The following MYO3B variants were observed in gnomAD, a reference collection of about 807,000 sequenced individuals.
MYO3B encodes myosin-IIIb.
MYO3B carries 156 observed loss-of-function variants against 174.6 expected under a neutral mutation model. That is an observed-to-expected ratio of 0.89 (90% CI 0.78 to 1.02). MYO3B has a LOEUF of 1.02. Ranked by LOEUF, MYO3B falls within the 50% of genes least tolerant of loss-of-function variation. The pLI, the probability that MYO3B is intolerant of heterozygous loss-of-function variation, is 0.00. For synonymous variants in MYO3B, 563 were observed against 569.1 expected, an observed-to-expected ratio of 0.99 and a Z score of 0.15; for missense variants, 1,632 against 1,639.4, an observed-to-expected ratio of 1.00 and a Z score of 0.08.
intron 8 of MYO3B, chr2:170,343,751 G>T (rs2093994841): frequency 6.6e-6 from 1 of 152,136 alleles, no homozygotes; most frequent in African/African-American, 2.4e-5. Context: ...AAGAGCGTAG[G>T]GTCTAAAGTC....
intron 8 of MYO3B, among the ~76,000 whole-genome samples, chr2:170,359,831 A>G (rs1201260824): frequency 6.6e-6 from 1 of 152,200 alleles, no homozygotes; most frequent in Non-Finnish European, 1.5e-5. Flanking sequence ...ATTTATGTCC[A>G]TGTCTATTCT....
Position 170,326,223 on chromosome 2 carries a change from A to C in MYO3B, c.750-9162A>C, listed in dbSNP as rs143716232. Among the ~76,000 whole-genome samples, 8 of 152,126 alleles carry C rather than the reference A, an allele frequency of 5.3e-5. No individual in the cohort carries two copies. The East Asian group carries it at 1.5e-3, about 29-fold the overall frequency. ...ACTGTAATGATCACCTTCAAAGAGC[A>C]CACTTCCAAAGAACCCATGTAAACA... On this transcript the variant is annotated intron_variant, in intron 7 of 34. Coordinates refer to ENST00000408978, the MANE Select transcript of MYO3B (RefSeq NM_138995.5).
At chr2:170,265,878 T>G (rs1456170659) in intron 7 of MYO3B, among the ~76,000 whole-genome samples, 3 of 152,102 alleles carry the variant, frequency 2.0e-5, no homozygotes, top group African/African-American at 7.2e-5. Context: ...GAATTTTGTA[T>G]GAATACAACA....
rs571585831 is a variant in MYO3B at position 170,483,973 on chromosome 2, C to T, written c.3015-14619C>T. On this transcript the variant is annotated intron_variant, in intron 25 of 34. Transcript: ENST00000408978. Reference sequence around the variant, plus strand: ...GTTGTCCTCTTAGCCGTGACTGGTACAGCATGCTCTAGTTACTTACAGTAA... The same window carrying T: ...GTTGTCCTCTTAGCCGTGACTGGTATAGCATGCTCTAGTTACTTACAGTAA... Among the ~76,000 whole-genome samples, 94 of 152,314 alleles carry T rather than the reference C, an allele frequency of 6.2e-4. 1 individual carries two copies. Among genetic ancestry groups the T allele is most frequent in the African/African-American group, 2.1e-3 (87 of 41,576 alleles).
intron 7 of MYO3B, among the ~76,000 whole-genome samples, chr2:170,306,979 T>C (rs1454888398): frequency 2.6e-5 from 4 of 152,206 alleles, no homozygotes; most frequent in Non-Finnish European, 4.4e-5. Flanking sequence ...TTAACACTTT[T>C]TATTCTCATT....
At chr2:170,633,894 G>T (rs1454654148) in intron 32 of MYO3B, among the ~76,000 whole-genome samples, 5 of 152,148 alleles carry the variant, frequency 3.3e-5, no homozygotes, top group Non-Finnish European at 7.4e-5. Context: ...AAATACCTCG[G>T]AATGCAACTT....
chr2:170,415,426 A>G (rs1232329272), intron 22 of MYO3B, among the ~76,000 whole-genome samples: 1 of 152,166 alleles, frequency 6.6e-6, no homozygotes, highest in Non-Finnish European at 1.5e-5. Flanking sequence ...TACATACTAC[A>G]TACATTTTAC....
chr2:170,382,000 C>A lies in MYO3B; in HGVS notation c.972-16C>A, dbSNP rs770252203. 1 of 1,605,964 alleles carries A rather than the reference C, an allele frequency of 6.2e-7. No individual in the cohort carries two copies. Among genetic ancestry groups the A allele is most frequent in the South Asian group, 1.1e-5 (1 of 90,520 alleles). On this transcript the variant is annotated splice_polypyrimidine_tract_variant and intron_variant, in intron 9 of 34. Coordinates refer to ENST00000408978, the MANE Select transcript of MYO3B (RefSeq NM_138995.5). ...TTTGCTGTCTTAATGCTTAAACTCT[C>A]TTGATAAATTTCTAGGCATGAGAGG...
At chr2:170,474,742 TCAAAAAAAAAAAAA>T (rs1685211455) in intron 25 of MYO3B, among the ~76,000 whole-genome samples, 1 of 27,538 alleles carries the variant, frequency 3.6e-5, no homozygotes, top group South Asian at 2.3e-3. Context: ...AAACTCCGTC[TCAAAAAAAAAAAAA>T]AAAAAAAAAA....
chr2:170,514,345 T>C (rs2106123385), intron 28 of MYO3B, among the ~76,000 whole-genome samples: 1 of 152,326 alleles, frequency 6.6e-6, no homozygotes, highest in Admixed American at 6.5e-5. Context: ...AGCTGCAATG[T>C]GATATTCCTC....
chr2:170,312,061 T>G (rs2093743682), intron 7 of MYO3B, among the ~76,000 whole-genome samples: 1 of 152,232 alleles, frequency 6.6e-6, no homozygotes, highest in Non-Finnish European at 1.5e-5. Context: ...TTTTCAATAT[T>G]GCTTTTCGCA....
intron 8 of MYO3B, among the ~76,000 whole-genome samples, chr2:170,363,490 A>G (rs2094176625): frequency 6.6e-6 from 1 of 152,202 alleles, no homozygotes; most frequent in African/African-American, 2.4e-5. Context: ...GTCTTGGAGC[A>G]GAGAGTGCAC....
intron 32 of MYO3B, among the ~76,000 whole-genome samples, chr2:170,569,647 A>G (rs1692305759): frequency 1.3e-5 from 2 of 151,486 alleles, no homozygotes; most frequent in African/African-American, 2.4e-5. Context: ...AGATCACTTG[A>G]GGTCAGGAGT....
chr2:170,198,819 C>T (rs1270021906), intron 1 of MYO3B, among the ~76,000 whole-genome samples: 1 of 147,348 alleles, frequency 6.8e-6, no homozygotes, highest in Non-Finnish European at 1.5e-5. Flanking sequence ...GTTACCATAA[C>T]CTAGGGACAA....
intron 7 of MYO3B, among the ~76,000 whole-genome samples, chr2:170,322,353 A>G (rs1374263937): frequency 2.0e-5 from 3 of 152,182 alleles, no homozygotes; most frequent in South Asian, 2.1e-4. Flanking sequence ...CATGCTTACA[A>G]TGTCAGAAAA....
At chr2:170,329,259 G>GTGTATATA (rs918829938) in intron 7 of MYO3B, among the ~76,000 whole-genome samples, 2 of 149,148 alleles carry the variant, frequency 1.3e-5, no homozygotes, top group Non-Finnish European at 3.0e-5. Context: ...GTGTGTGTGT[G>GTGTATATA]TATATATATA....
intron 32 of MYO3B, among the ~76,000 whole-genome samples, chr2:170,600,249 A>G (rs1300547014): frequency 6.6e-6 from 1 of 152,164 alleles, no homozygotes; most frequent in Non-Finnish European, 1.5e-5. Flanking sequence ...AGTCAAAATT[A>G]CATAACAAAA....
chr2:170,391,549 A>G lies in MYO3B; in HGVS notation c.1607A>G (p.Tyr536Cys), dbSNP rs374803318. ...GAGAAAAATTTTCATATATTTTACT[A>G]TATTTATGCTGGTCTTCATCACCAA... is the stretch of plus-strand genomic sequence containing the variant. ...AREKNFHIFYYIYAGLHHQKK... is the reference protein window; with the variant it reads ...AREKNFHIFYCIYAGLHHQKK... Residue 536 changes from tyrosine (Y) to cysteine (C), a missense_variant, in exon 15 of 35, where the codon TAT (tyrosine) becomes TGT (cysteine). Tyr to Cys is a radical substitution (Grantham distance 194). Coordinates refer to ENST00000408978, the MANE Select transcript of MYO3B (RefSeq NM_138995.5). 7.1e-6 allele frequency: 11 copies of G among 1,557,250 alleles called. No individual in the cohort carries two copies. The highest frequency in any genetic ancestry group is 1.4e-5 in the African/African-American group (1 of 71,606).
intron 7 of MYO3B, among the ~76,000 whole-genome samples, chr2:170,316,482 CT>C (rs1404819487): frequency 2.0e-5 from 3 of 152,234 alleles, no homozygotes; most frequent in Non-Finnish European, 4.4e-5. Flanking sequence ...TATCTACCCA[CT>C]TATGCCTGGG....
Sources: gnomAD v4.1 joint callset for allele counts (sites outside exome capture counted in the v4.1 genomes callset) on GRCh38, gnomAD v4.1.1 for gene constraint, MANE v1.5 for transcripts, NCBI Gene and HGNC (gene_info 2026-07-23, HGNC 2026-07-21) for gene names.